Variants in RPTN observed in about 807,000 individuals in gnomAD.
The protein encoded by RPTN is intermediate filament-associated protein.
RPTN carries 4 observed loss-of-function variants against 3.6 expected under a neutral mutation model. The observed-to-expected ratio is 1.12, with a 90% CI of 0.55 to 2.55. RPTN has a LOEUF of 2.55. RPTN is among the 30% of genes most tolerant of loss of function. The probability of loss-of-function intolerance (pLI) is 0.02; values close to 1 mark genes in which losing one functional copy is unlikely to be tolerated. For missense variants in RPTN, 860 were observed against 916.7 expected, an observed-to-expected ratio of 0.94 and a Z score of 0.80; for synonymous variants, 293 against 319.3, an observed-to-expected ratio of 0.92 and a Z score of 0.88.
chr1:152,156,389 T>G lies in RPTN; in HGVS notation c.710A>C (p.Asp237Ala). The change falls in exon 3 of 3, where the codon GAT becomes GCT. Residue 237 changes from aspartate (D) to alanine (A), a missense_variant. Transcript: ENST00000316073. ...TCTTTCAGACTGACCATAATGAGAA[T>G]CCTGAATTGGTTTTTCACACCGATT... ...ALNRCEKPIQ[D>A]SHYGQSERHT... 2 of 1,614,242 alleles carry G rather than the reference T, an allele frequency of 1.2e-6. No individual in the cohort carries two copies. Among genetic ancestry groups the G allele is most frequent in the Non-Finnish European group, 1.7e-6 (2 of 1,180,034 alleles).
At position 152,156,409 on chromosome 1, in the gene RPTN, C is replaced by T. The variant is rs759336271; in HGVS notation, c.690G>A (p.Arg230=). ...KWQGHIFALN[R]CEKPIQDSHY... ...GAGAATCCTGAATTGGTTTTTCACA[C>T]CGATTTAAGGCAAAGATATGTCCCT... The change falls in exon 3 of 3, where the codon CGG becomes CGA. Residue 230 remains arginine, a synonymous_variant. Transcript: ENST00000316073. 1 of 1,614,234 alleles carries T rather than the reference C, an allele frequency of 6.2e-7. No homozygotes were observed. Among genetic ancestry groups the T allele is most frequent in the South Asian group, 1.1e-5 (1 of 91,084 alleles).
At position 152,155,031 on chromosome 1, in the gene RPTN, G is replaced by C. The variant is rs747889475; in HGVS notation, c.2068C>G (p.Gln690Glu). 6.2e-7 allele frequency: 1 copy of C among 1,614,168 alleles called. No individual in the cohort carries two copies. The highest frequency in any genetic ancestry group is 1.1e-5 in the South Asian group (1 of 91,086). Reference sequence around the variant, plus strand: ...CCATGACTCTGCCTGGTCTGGGCCTGTCTGTGGCCCTGCTCACTACTGCAT... The same window carrying C: ...CCATGACTCTGCCTGGTCTGGGCCTCTCTGTGGCCCTGCTCACTACTGCAT... Reference protein sequence around the residue: ...QSCSSEQGHRQAQTRQSHGEG... With the variant: ...QSCSSEQGHREAQTRQSHGEG... Residue 690 changes from glutamine (Q) to glutamate (E), a missense_variant, in exon 3 of 3, where the codon CAG (glutamine) becomes GAG (glutamate). Coordinates refer to ENST00000316073, the MANE Select transcript of RPTN (RefSeq NM_001122965.1).
Position 152,157,814 on chromosome 1 carries a change from C to A in RPTN, c.76G>T (p.Ala26Ser). 4 of 1,613,878 alleles carry A rather than the reference C, an allele frequency of 2.5e-6. No homozygotes were observed. Among genetic ancestry groups the A allele is most frequent in the Non-Finnish European group, 2.5e-6 (3 of 1,179,788 alleles). The change falls in exon 2 of 3, where the codon GCC becomes TCC. Residue 26 changes from alanine to serine, a missense_variant. Coordinates refer to ENST00000316073, the MANE Select transcript of RPTN (RefSeq NM_001122965.1). ...HKYAKGNGDC[A>S]LLCKEELKQL... is the part of the protein sequence containing the mutation. ...TTCAACTCTTCCTTGCATAGTAAGG[C>A]ACAGTCCCCATTCCCTTTGGCATAT...
Position 152,155,148 on chromosome 1 carries a change from G to A in RPTN, c.1951C>T (p.Pro651Ser). The A allele has an allele frequency of 6.2e-7, 1 of 1,614,152 alleles. No homozygotes were observed. Among genetic ancestry groups the A allele is most frequent in the Non-Finnish European group, 8.5e-7 (1 of 1,180,034 alleles). ...TGGTGATGTTGGCTATCCTCTTCAG[G>A]CTCCCATACCTGGTGGCCGTTCTGC... Reference protein sequence around the residue: ...SQQNGHQVWEPEEDSQHHQHK... With the variant: ...SQQNGHQVWESEEDSQHHQHK... Residue 651 changes from proline (P) to serine (S), a missense_variant, in exon 3 of 3, where the codon CCT becomes TCT. Physicochemically the swap from Pro to Ser is moderately conservative, Grantham distance 74 (BLOSUM62 -1). Transcript: ENST00000316073.
chr1:152,155,370 G>C lies in RPTN; in HGVS notation c.1729C>G (p.Gln577Glu). Residue 577 changes from glutamine (Q) to glutamate (E), a missense_variant, in exon 3 of 3, where the codon CAA (glutamine) becomes GAA (glutamate). Transcript: ENST00000316073. ...QSYHYGQTDR[Q>E]GQSSHYIQSQ... ...TGAATATAGTGGGAACTCTGGCCTTGTCTGTCTGTCTGACCATAATGATAG... is the reference window on the plus strand; with the variant it reads ...TGAATATAGTGGGAACTCTGGCCTTCTCTGTCTGTCTGACCATAATGATAG... 1 of 1,614,128 alleles carries C rather than the reference G, an allele frequency of 6.2e-7. No individual in the cohort carries two copies. Among genetic ancestry groups the C allele is most frequent in the South Asian group, 1.1e-5 (1 of 91,068 alleles).
chr1:152,155,416 C>G lies in RPTN; in HGVS notation c.1683G>C (p.Gln561His), dbSNP rs1017626515. The change falls in exon 3 of 3, where the codon CAG becomes CAC. Residue 561 changes from glutamine to histidine, a missense_variant. Gln to His is a conservative substitution (Grantham distance 24). Transcript: ENST00000316073. ...GATAGCTCTGGCCTTGTCTGTCTGTCTGACCGTAGTGGGAACTCTGGCCTT... is the reference window on the plus strand; with the variant it reads ...GATAGCTCTGGCCTTGTCTGTCTGTGTGACCGTAGTGGGAACTCTGGCCTT... ...DRQGQSSHYGQTDRQGQSYHY... is the reference protein window; with the variant it reads ...DRQGQSSHYGHTDRQGQSYHY... 1.2e-6 allele frequency: 2 copies of G among 1,613,928 alleles called. No individual in the cohort carries two copies. Among genetic ancestry groups the G allele is most frequent in the Non-Finnish European group, 1.7e-6 (2 of 1,179,936 alleles).
In RPTN at chr1:152,156,579, C is replaced by T. The variant is rs201139774; in HGVS notation, c.520G>A (p.Glu174Lys). The stretch of plus-strand genomic sequence containing the variant: ...TGGTGAGAATCTCTGTCTTGTCTCT[C>T]AGGCTGACTGTGGTGGGAATCTCTG... ...QDRDSHHSQP[E>K]RQDRDSHHNQ... The change falls in exon 3 of 3, where the codon GAG becomes AAG. Residue 174 changes from glutamate (E) to lysine (K), a missense_variant. Glu to Lys is a moderately conservative substitution (Grantham distance 56). Coordinates refer to ENST00000316073, the MANE Select transcript of RPTN (RefSeq NM_001122965.1). The T allele has an allele frequency of 4.4e-6, 7 of 1,600,746 alleles. No individual in the cohort carries two copies. In the Admixed American group the frequency reaches 8.7e-5, roughly 20 times the overall value.
At chr1:152,159,075 C>T (rs1659256618) in intron 1 of RPTN, 109 bp downstream of exon 1, 1 of 152,652 alleles carries the variant, frequency 6.6e-6, no homozygotes, top group African/African-American at 2.4e-5. Context: ...AGAAGGTAAC[C>T]AAAGCTGTTA....
intron 1 of RPTN, among the ~76,000 whole-genome samples, chr1:152,158,111 C>T (rs1163202858): frequency 1.3e-5 from 2 of 152,090 alleles, no homozygotes; most frequent in Non-Finnish European, 2.9e-5. Context: ...AAACTTGGTT[C>T]CCTTGCTATA....
chr1:152,156,724 G>A lies in RPTN; in HGVS notation c.375C>T (p.His125=), dbSNP rs778811948. 7.0e-5 allele frequency: 113 copies of A among 1,613,964 alleles called. No homozygotes were observed. In the East Asian group the frequency reaches 7.6e-4, roughly 11 times the overall value. ...GGTGGGAGTTCTGCCTTTCTTCCTC[G>A]TGCCTCTGTCTGTGTTGTCTGCCTG... ...GNTGRQHRQR[H]EEERQNSHHS... The change falls in exon 3 of 3, where the codon CAC becomes CAT. Residue 125 remains histidine (H), a synonymous_variant. Transcript: ENST00000316073.
chr1:152,157,695 C>T, intron 2 of RPTN, 57 bp downstream of exon 2: 2 of 1,591,534 alleles, frequency 1.3e-6, no homozygotes, highest in Admixed American at 1.7e-5. Context: ...AACCCTGGTG[C>T]AGGTGTCAGA....
intron 1 of RPTN, among the ~76,000 whole-genome samples, 161 bp from the exon 2 acceptor site, chr1:152,158,070 C>G (rs528372981): frequency 2.0e-5 from 3 of 151,992 alleles, no homozygotes; most frequent in Non-Finnish European, 4.4e-5. Flanking sequence ...AGTCGGGGAC[C>G]AAATCTCATT....
Position 152,155,592 on chromosome 1 carries a change from C to G in RPTN, c.1507G>C (p.Asp503His). 2 of 1,604,058 alleles carry G rather than the reference C, an allele frequency of 1.2e-6. No homozygotes were observed. The highest frequency in any genetic ancestry group is 1.7e-6 in the Non-Finnish European group (2 of 1,172,836). Residue 503 changes from aspartate to histidine, a missense_variant, in exon 3 of 3, where the codon GAC becomes CAC. Asp to His is a moderately conservative substitution (Grantham distance 81, BLOSUM62 -1). Coordinates refer to ENST00000316073, the MANE Select transcript of RPTN (RefSeq NM_001122965.1). ...TAGTGGGAACTTTGGCCTTGTCCGT[C>G]TGGCTGACCATAATGATAACTCTGG... is the stretch of plus-strand genomic sequence containing the variant. ...QDQSYHYGQP[D>H]GQGQSSHYGQ...
At position 152,156,654 on chromosome 1, in the gene RPTN, G is replaced by A. The variant is rs576800378; in HGVS notation, c.445C>T (p.Pro149Ser). ...RQDGDSHHGQ[P>S]ERQDRDSHHG... ...TGGGAATCTCTGTCTTGTCTCTCAG[G>A]CTGACCATGGTGGGAATCTCCGTCT... The change falls in exon 3 of 3, where the codon CCT (proline) becomes TCT (serine). Residue 149 changes from proline to serine, a missense_variant. Coordinates refer to ENST00000316073, the MANE Select transcript of RPTN (RefSeq NM_001122965.1). 1.1e-5 allele frequency: 18 copies of A among 1,598,520 alleles called. 1 individual carries two copies. The South Asian group carries it at 1.7e-4, about 15-fold the overall frequency.
intron 2 of RPTN, 39 bp from the exon 3 acceptor site, chr1:152,156,999 T>C (rs759797996): frequency 1.3e-6 from 2 of 1,542,546 alleles, no homozygotes; most frequent in Non-Finnish European, 1.8e-6. Context: ...TCAGATGCTG[T>C]CTTGTGCATA....
rs780271482 is a variant in RPTN at position 152,156,441 on chromosome 1, T to A, written c.658A>T (p.Lys220Ter). 6.2e-7 allele frequency: 1 copy of A among 1,614,278 alleles called. No individual in the cohort carries two copies. Among genetic ancestry groups the A allele is most frequent in the Non-Finnish European group, 8.5e-7 (1 of 1,180,054 alleles). ...VSHKSTSGQA[K>*]WQGHIFALNR... is the part of the protein sequence containing the mutation. Reference sequence around the variant, plus strand: ...AAGGCAAAGATATGTCCCTGCCATTTAGCCTGGCCACTGGTAGATTTGTGA... The same window carrying A: ...AAGGCAAAGATATGTCCCTGCCATTAAGCCTGGCCACTGGTAGATTTGTGA... Residue 220 changes from lysine to a stop codon, truncating the protein, a stop_gained, in exon 3 of 3, where the codon AAA becomes TAA. Transcript: ENST00000316073. LOFTEE classifies it low-confidence loss of function (END_TRUNC).
chr1:152,158,846 C>T (rs938959986), intron 1 of RPTN, among the ~76,000 whole-genome samples: 40 of 152,326 alleles, frequency 2.6e-4, no homozygotes, highest in Middle Eastern at 3.4e-3. Context: ...TTGCTGGGCC[C>T]ATGGTCCAGA....
chr1:152,154,511 G>T lies in RPTN; in HGVS notation c.*233C>A. On this transcript the variant is annotated 3_prime_UTR_variant, in exon 3 of 3. Transcript: ENST00000316073. ...GGCAGGGTGACCACGCTGTTCTCTG[G>T]TTTGGGGCCTCCCACTGCTCTGGGT... 1 of 633,378 alleles carries T rather than the reference G, an allele frequency of 1.6e-6. No individual in the cohort carries two copies. Among genetic ancestry groups the T allele is most frequent in the Non-Finnish European group, 2.7e-6 (1 of 369,442 alleles). The allele number at this position is 633,378 out of a possible 1,614,324, so 39.2% of individuals were successfully genotyped here.
chr1:152,154,754 T>C lies in RPTN; in HGVS notation c.2345A>G (p.His782Arg), dbSNP rs1184809034. The C allele has an allele frequency of 1.2e-6, 2 of 1,614,084 alleles. No homozygotes were observed. Among genetic ancestry groups the C allele is most frequent in the South Asian group, 1.1e-5 (1 of 91,066 alleles). ...DRQTHEDEQN[H>R]QR Reference sequence around the variant, plus strand: ...ATGAGTTTGCCTGTCTCATCTCTGATGGTTCTGCTCGTCTTCATGGGTTTG... The same window carrying C: ...ATGAGTTTGCCTGTCTCATCTCTGACGGTTCTGCTCGTCTTCATGGGTTTG... The change falls in exon 3 of 3, where the codon CAT (histidine) becomes CGT (arginine). Residue 782 changes from histidine to arginine, a missense_variant. Transcript: ENST00000316073.
Sources: allele counts gnomAD v4.1 joint callset (sites outside exome capture counted in the v4.1 genomes callset), GRCh38; gene constraint gnomAD v4.1.1; transcripts MANE v1.5; gene names NCBI Gene and HGNC (gene_info 2026-07-23, HGNC 2026-07-21).